CDK14: variants seen among roughly 807,000 people sequenced by gnomAD.
CDK14 encodes cyclin-dependent kinase 14.
Under a neutral mutation model 60.7 loss-of-function variants are expected in CDK14, and 34 were observed. The ratio of observed to expected loss-of-function variants is 0.56; its 90% CI spans 0.43 to 0.75. CDK14 has a LOEUF of 0.75. Among genes scored for constraint, CDK14 ranks in the 30% least tolerant of loss-of-function variants. CDK14 has a pLI of 0.00. For missense variants in CDK14, 482 were observed against 564.1 expected, an observed-to-expected ratio of 0.85 and a Z score of 1.47; for synonymous variants, 197 against 203.7, an observed-to-expected ratio of 0.97 and a Z score of 0.28.
In CDK14 at chr7:90,726,751, T is replaced by G. The variant is rs1254579326; in HGVS notation, c.308T>G (p.Phe103Cys). The G allele has an allele frequency of 1.9e-6, 3 of 1,613,784 alleles. No individual in the cohort carries two copies. The highest frequency in any genetic ancestry group is 8.5e-7 in the Non-Finnish European group (1 of 1,179,826). Residue 103 changes from phenylalanine to cysteine, a missense_variant, in exon 3 of 15, where the codon TTT becomes TGT. Transcript: ENST00000380050. Reference protein sequence around the residue: ...VHSENNACINFKTSSTGKESP... With the variant: ...VHSENNACINCKTSSTGKESP... Reference sequence around the variant, plus strand: ...TCTGAGAACAATGCTTGCATTAACTTTAAGACCTCCTCCACTGGCAAAGAG... The same window carrying G: ...TCTGAGAACAATGCTTGCATTAACTGTAAGACCTCCTCCACTGGCAAAGAG...
chr7:91,032,033 T>C (rs1347747334), intron 10 of CDK14, among the ~76,000 whole-genome samples: 1 of 152,152 alleles, frequency 6.6e-6, no homozygotes, highest in Admixed American at 6.5e-5. Context: ...TTAGTAGTCT[T>C]TTACCAGACA....
At chr7:90,700,039 G>T (rs1801748562) in intron 2 of CDK14, among the ~76,000 whole-genome samples, 2 of 152,154 alleles carry the variant, frequency 1.3e-5, no homozygotes, top group Non-Finnish European at 2.9e-5. Context: ...ACTAGCTGTT[G>T]TAACAGTCCC....
chr7:90,773,843 CCTCCTCTCCTCTCCTCTCCT>C lies in CDK14; in HGVS notation c.465-16697_465-16678del, dbSNP rs530779137. ...CTCCTCTGGCATAGGTCTTCTCTTCCCTCCTCTCCTCTCCTCTCCTCTCCTCTCCTCTCCTCTCCTCTCCT... is the reference window on the plus strand; with the variant it reads ...CTCCTCTGGCATAGGTCTTCTCTTCCCTCCTCTCCTCTCCTCTCCTCTCCT... On this transcript the variant is annotated intron_variant, in intron 4 of 14. Coordinates refer to ENST00000380050, the MANE Select transcript of CDK14 (RefSeq NM_001287135.2). Among the ~76,000 whole-genome samples the C allele has an allele frequency of 3.5e-3, 274 of 78,660 alleles. 2 individuals are homozygous for C. Among genetic ancestry groups the C allele is most frequent in the Non-Finnish European group, 4.6e-3 (203 of 43,692 alleles). The allele number at this position is 78,660 out of a possible 152,430, so 51.6% of individuals were successfully genotyped here.
At chr7:90,861,359 A>G (rs1791002988) in intron 5 of CDK14, among the ~76,000 whole-genome samples, 1 of 152,196 alleles carries the variant, frequency 6.6e-6, no homozygotes, top group South Asian at 2.1e-4. Context: ...TCATACCTTC[A>G]AGAGCATTAA....
intron 11 of CDK14, among the ~76,000 whole-genome samples, chr7:91,052,455 A>G (rs892168688): frequency 1.3e-5 from 2 of 152,154 alleles, no homozygotes; most frequent in Non-Finnish European, 2.9e-5. Flanking sequence ...AGTAGGGAGG[A>G]TCTGATCTCT....
At chr7:91,058,389 A>G (rs1206161671) in intron 11 of CDK14, among the ~76,000 whole-genome samples, 1 of 152,086 alleles carries the variant, frequency 6.6e-6, no homozygotes, top group Non-Finnish European at 1.5e-5. Context: ...CTAATTGAAT[A>G]CCCTTTATTT....
At chr7:90,641,255 A>T (rs1315990777) in intron 2 of CDK14, among the ~76,000 whole-genome samples, 2 of 152,146 alleles carry the variant, frequency 1.3e-5, no homozygotes, top group African/African-American at 4.8e-5. Context: ...TTATGACATG[A>T]TCCAGTAATT....
intron 2 of CDK14, among the ~76,000 whole-genome samples, chr7:90,647,050 C>T (rs1041988250): frequency 1.3e-5 from 2 of 152,062 alleles, no homozygotes; most frequent in African/African-American, 4.8e-5. Flanking sequence ...ATATGCTTTA[C>T]TAGTTATTTT....
At chr7:90,724,588 A>G (rs1802568538) in intron 2 of CDK14, among the ~76,000 whole-genome samples, 1 of 151,926 alleles carries the variant, frequency 6.6e-6, no homozygotes, top group East Asian at 1.9e-4. Context: ...TCCTACAGCT[A>G]AAGTACTACT....
At chr7:90,811,970 G>A (rs1423314403) in intron 5 of CDK14, among the ~76,000 whole-genome samples, 1 of 152,192 alleles carries the variant, frequency 6.6e-6, no homozygotes, top group East Asian at 1.9e-4. Flanking sequence ...GGAAACAACA[G>A]GTGCTGGAGA....
chr7:90,680,952 C>T (rs1490088157), intron 2 of CDK14, among the ~76,000 whole-genome samples: 1 of 152,104 alleles, frequency 6.6e-6, no homozygotes, highest in Non-Finnish European at 1.5e-5. Context: ...TCCAAAAACT[C>T]TGTTGGAAAA....
chr7:90,761,601 A>T (rs1804313584), intron 4 of CDK14, among the ~76,000 whole-genome samples: 1 of 152,112 alleles, frequency 6.6e-6, no homozygotes, highest in African/African-American at 2.4e-5. Flanking sequence ...GTTTGCCAGG[A>T]TATATTTGTT....
At chr7:90,914,656 A>C (rs1263630101) in intron 7 of CDK14, among the ~76,000 whole-genome samples, 1 of 152,066 alleles carries the variant, frequency 6.6e-6, no homozygotes, top group Non-Finnish European at 1.5e-5. Context: ...TTTTTTCTCT[A>C]GTACTGCTTT....
chr7:91,062,175 C>T (rs913128408), intron 11 of CDK14, among the ~76,000 whole-genome samples: 4 of 152,142 alleles, frequency 2.6e-5, no homozygotes, highest in African/African-American at 9.7e-5. Context: ...GACCGAGGCT[C>T]CATGGGCTTA....
intron 10 of CDK14, among the ~76,000 whole-genome samples, chr7:90,995,329 A>C (rs374300355): frequency 6.6e-6 from 1 of 152,156 alleles, no homozygotes; most frequent in East Asian, 1.9e-4. Context: ...AGCTTTGTGA[A>C]TGAGCTTAGA....
chr7:90,781,090 C>T (rs1221533814), intron 4 of CDK14, among the ~76,000 whole-genome samples: 15 of 152,068 alleles, frequency 9.9e-5, no homozygotes, highest in African/African-American at 3.4e-4. Context: ...TTAATGATCG[C>T]CATTCTAACT....
chr7:90,927,674 T>A (rs952663520), intron 8 of CDK14, among the ~76,000 whole-genome samples: 8 of 152,190 alleles, frequency 5.3e-5, no homozygotes, highest in African/African-American at 1.9e-4. Context: ...TCCTGGTGAA[T>A]CTGACAATTA....
intron 2 of CDK14, among the ~76,000 whole-genome samples, chr7:90,644,845 A>C (rs1409039059): frequency 6.6e-6 from 1 of 152,204 alleles, no homozygotes; most frequent in African/African-American, 2.4e-5. Context: ...GCTTATTACA[A>C]TTTATTGAAC....
chr7:91,147,613 C>T (rs1332237543), intron 14 of CDK14, among the ~76,000 whole-genome samples: 3 of 152,122 alleles, frequency 2.0e-5, no homozygotes, highest in Admixed American at 6.5e-5. Flanking sequence ...AACCATGTTG[C>T]CTTTCTCCTA....
Sources: gnomAD v4.1 joint callset for allele counts (sites outside exome capture counted in the v4.1 genomes callset) on GRCh38, gnomAD v4.1.1 for gene constraint, MANE v1.5 for transcripts, NCBI Gene and HGNC (gene_info 2026-07-23, HGNC 2026-07-21) for gene names.